NLRP8: variants seen among roughly 807,000 people sequenced by gnomAD.
The protein encoded by NLRP8 is NACHT, LRR and PYD domains-containing protein 8.
A neutral mutation model predicts 88.7 loss-of-function variants in NLRP8; 86 were observed. That is an observed-to-expected ratio of 0.97 (90% CI 0.81 to 1.16). The LOEUF (loss-of-function observed/expected upper bound fraction) is 1.16, where lower values mean the gene tolerates loss of function less well. Among genes scored for constraint, NLRP8 ranks in the 50% most tolerant of loss-of-function variants. NLRP8 has a pLI of 0.00. For synonymous variants in NLRP8, 504 were observed against 494.6 expected, an observed-to-expected ratio of 1.02 and a Z score of -0.25; for missense variants, 1,342 against 1,286.5, an observed-to-expected ratio of 1.04 and a Z score of -0.66.
chr19:55,976,420 A>G, intron 8 of NLRP8, 117 bp downstream of exon 8: 1 of 873,530 alleles, frequency 1.1e-6, no homozygotes, highest in Admixed American at 3.8e-5. Context: ...TGTTCCCTCC[A>G]TTGAATTGGA....
In NLRP8 at chr19:55,968,501, G is replaced by A. The variant is rs188907986; in HGVS notation, c.2382-2043G>A. On this transcript the variant is annotated intron_variant, in intron 5 of 9. Transcript: ENST00000291971. ...CACGCCTGTAATCCCAACACTTTGGGAGGTCAAGGTGGGTGGATCACCTGA... is the reference window on the plus strand; with the variant it reads ...CACGCCTGTAATCCCAACACTTTGGAAGGTCAAGGTGGGTGGATCACCTGA... Among the ~76,000 whole-genome samples, 589 of 151,934 alleles carry A rather than the reference G, an allele frequency of 3.9e-3. 6 individuals are homozygous for A. The highest frequency in any genetic ancestry group is 0.013 in the African/African-American group (555 of 41,394).
At chr19:55,987,109 C>G (rs306459) in intron 9 of NLRP8, among the ~76,000 whole-genome samples, 8,916 of 152,324 alleles carry the variant, frequency 0.059, 362 homozygotes, top group Middle Eastern at 0.11. Context: ...TGGCTCACGC[C>G]TATAATCCCA....
chr19:55,948,699 A>G (rs1449167116), intron 1 of NLRP8, among the ~76,000 whole-genome samples: 2 of 152,190 alleles, frequency 1.3e-5, no homozygotes, highest in African/African-American at 4.8e-5. Flanking sequence ...TGGCCCCCCA[A>G]AGTGCTGGGA....
chr19:55,986,423 C>T (rs1037624818), intron 9 of NLRP8, among the ~76,000 whole-genome samples: 1 of 150,610 alleles, frequency 6.6e-6, no homozygotes, highest in African/African-American at 2.4e-5. Context: ...CACACATTCT[C>T]TCTCTCACAC....
In NLRP8 at chr19:55,955,727, C is replaced by G. The variant is rs760200741; in HGVS notation, c.1669C>G (p.Leu557Val). The change falls in exon 3 of 10, where the codon CTT becomes GTT. Residue 557 changes from leucine to valine, a missense_variant. Transcript: ENST00000291971. Reference sequence around the variant, plus strand: ...CAAAAGCTATCTCTCTCACATGGGACTTTTCTTATTCGGTTTTCTGAACGA... The same window carrying G: ...CAAAAGCTATCTCTCTCACATGGGAGTTTTCTTATTCGGTTTTCTGAACGA... The G allele has an allele frequency of 1.9e-6, 3 of 1,614,062 alleles. No individual in the cohort carries two copies. Among genetic ancestry groups the G allele is most frequent in the South Asian group, 2.2e-5 (2 of 91,084 alleles).
At chr19:55,986,369 GTC>G (rs769128753) in intron 9 of NLRP8, among the ~76,000 whole-genome samples, 13 of 147,550 alleles carry the variant, frequency 8.8e-5, no homozygotes, top group South Asian at 2.2e-4. Flanking sequence ...CACTCACACA[GTC>G]TCACACACAT....
intron 5 of NLRP8, 71 bp from the exon 6 acceptor site, chr19:55,970,473 G>C: frequency 6.5e-7 from 1 of 1,528,456 alleles, no homozygotes; most frequent in South Asian, 1.2e-5. Flanking sequence ...TGAGACAGTG[G>C]AATCCAGGAG....
chr19:55,975,926 C>T (rs945608319), intron 7 of NLRP8, among the ~76,000 whole-genome samples: 2 of 152,200 alleles, frequency 1.3e-5, no homozygotes, highest in African/African-American at 4.8e-5. Flanking sequence ...ATATTTGGTA[C>T]ACTTTAAGTG....
At chr19:55,972,287 G>A (rs1434037620) in intron 6 of NLRP8, among the ~76,000 whole-genome samples, 3 of 151,562 alleles carry the variant, frequency 2.0e-5, no homozygotes, top group South Asian at 2.1e-4. Flanking sequence ...GCTGCTTTTT[G>A]TATTTTTAGT....
At chr19:55,960,539 G>A (rs1459609286) in intron 3 of NLRP8, among the ~76,000 whole-genome samples, 1 of 152,174 alleles carries the variant, frequency 6.6e-6, no homozygotes, top group Non-Finnish European at 1.5e-5. Flanking sequence ...TTTCTATGAT[G>A]CTGCGTAAAG....
At chr19:55,952,722 C>G in intron 2 of NLRP8, 110 bp downstream of exon 2, 1 of 794,632 alleles carries the variant, frequency 1.3e-6, no homozygotes, top group Non-Finnish European at 2.1e-6. Flanking sequence ...TCCAGTGTTT[C>G]TTCTACAATC....
intron 1 of NLRP8, 40 bp downstream of exon 1, chr19:55,948,309 G>A (rs1259934007): frequency 7.6e-6 from 12 of 1,576,066 alleles, no homozygotes; most frequent in Admixed American, 1.7e-5. Context: ...GGTGGGCTTG[G>A]CTGCTGGGCA....
intron 4 of NLRP8, among the ~76,000 whole-genome samples, chr19:55,962,710 G>A (rs775909403): frequency 1.3e-5 from 2 of 152,138 alleles, no homozygotes; most frequent in Non-Finnish European, 2.9e-5. Context: ...AGCCCAGGAG[G>A]CAGAGGTTGC....
At chr19:55,956,200 C>A in intron 3 of NLRP8, 100 bp downstream of exon 3, 2 of 1,219,876 alleles carry the variant, frequency 1.6e-6, no homozygotes, top group Non-Finnish European at 2.3e-6. Flanking sequence ...CCTTTCTGAT[C>A]TCTTTCCTAG....
chr19:55,964,062 T>C (rs1460518925), intron 4 of NLRP8, among the ~76,000 whole-genome samples: 1 of 152,194 alleles, frequency 6.6e-6, no homozygotes, highest in Non-Finnish European at 1.5e-5. Flanking sequence ...CACCACTCCA[T>C]ACGCTATCTC....
At chr19:55,951,751 G>A (rs1357077945) in intron 1 of NLRP8, among the ~76,000 whole-genome samples, 1 of 152,024 alleles carries the variant, frequency 6.6e-6, no homozygotes, top group African/African-American at 2.4e-5. Flanking sequence ...ATCCTGTATT[G>A]GGTTTTTTAT....
Position 55,966,317 on chromosome 19 carries a change from C to A in NLRP8, c.2318C>A (p.Ser773Tyr), listed in dbSNP as rs1446353660. The change falls in exon 5 of 10, where the codon TCC (serine) becomes TAC (tyrosine). Residue 773 changes from serine to tyrosine, a missense_variant. Ser to Tyr is a moderately radical substitution (Grantham distance 144). Transcript: ENST00000291971. ...GAAATACAACATGTGGAAGTGGAGTCCAAAGCTGTGAAGCTTCTATGCAGG... is the reference window on the plus strand; with the variant it reads ...GAAATACAACATGTGGAAGTGGAGTACAAAGCTGTGAAGCTTCTATGCAGG... The A allele has an allele frequency of 1.9e-6, 3 of 1,613,936 alleles. No individual in the cohort carries two copies. The highest frequency in any genetic ancestry group is 1.7e-5 in the Admixed American group (1 of 59,994).
At chr19:55,951,086 T>A (rs997808853) in intron 1 of NLRP8, among the ~76,000 whole-genome samples, 1 of 151,556 alleles carries the variant, frequency 6.6e-6, no homozygotes, top group Non-Finnish European at 1.5e-5. Context: ...TCAAAAAAAA[T>A]AAGAATAAAA....
At chr19:55,970,805 A>G (rs1980044337) in intron 6 of NLRP8, 109 bp downstream of exon 6, 1 of 1,367,948 alleles carries the variant, frequency 7.3e-7, no homozygotes, top group Non-Finnish European at 1.0e-6. Flanking sequence ...CATGTATAGG[A>G]GCAAACATAA....
Sources: allele counts gnomAD v4.1 joint callset (sites outside exome capture counted in the v4.1 genomes callset), GRCh38; gene constraint gnomAD v4.1.1; transcripts MANE v1.5; gene names NCBI Gene and HGNC (gene_info 2026-07-23, HGNC 2026-07-21).